The following DAG1 variants were observed in gnomAD, a reference collection of about 807,000 sequenced individuals.
The protein encoded by DAG1 is dystroglycan 1 (dystrophin-associated glycoprotein 1).
A neutral mutation model predicts 46.1 loss-of-function variants in DAG1; 8 were observed. The observed-to-expected ratio is 0.17, with a 90% confidence interval of 0.10 to 0.31. DAG1 has a LOEUF of 0.31. Among genes scored for constraint, DAG1 ranks in the 10% least tolerant of loss-of-function variants. The pLI is 1.00. For synonymous variants in DAG1, 495 were observed against 481.8 expected, an observed-to-expected ratio of 1.03 and a Z score of -0.36; for missense variants, 1,003 against 1,189.9, an observed-to-expected ratio of 0.84 and a Z score of 2.31.
At chr3:49,505,936 C>T (rs1383025568) in intron 1 of DAG1, among the ~76,000 whole-genome samples, 1 of 150,216 alleles carries the variant, frequency 6.7e-6, no homozygotes, top group African/African-American at 2.5e-5. Flanking sequence ...CCCCAAGGTG[C>T]TGGAATTACA....
At chr3:49,514,395 C>A (rs927464674) in intron 2 of DAG1, among the ~76,000 whole-genome samples, 8 of 152,178 alleles carry the variant, frequency 5.3e-5, no homozygotes. Context: ...CTATGCTCAT[C>A]AAGAGATGGT....
intron 1 of DAG1, among the ~76,000 whole-genome samples, chr3:49,472,279 GGTA>G (rs1340087377): frequency 5.3e-5 from 8 of 152,078 alleles, no homozygotes; most frequent in African/African-American, 7.2e-5. Context: ...AGACTGAAAA[GGTA>G]GTACAGAGGG....
At chr3:49,487,692 C>CTTTTTTTTTTTTTTTTTT (rs10686005) in intron 1 of DAG1, among the ~76,000 whole-genome samples, 8 of 105,718 alleles carry the variant, frequency 7.6e-5, no homozygotes, top group African/African-American at 7.2e-5. Context: ...CCCATACATT[C>CTTTTTTTTTTTTTTTTTT]TTTTTTTTTT....
chr3:49,528,824 AATG>A (rs1004770297), intron 2 of DAG1, among the ~76,000 whole-genome samples: 14 of 151,868 alleles, frequency 9.2e-5, no homozygotes, highest in Non-Finnish European at 1.9e-4. Context: ...GCAATTAGGA[AATG>A]ATAACCCTGA....
At chr3:49,472,666 G>A (rs1235673013) in intron 1 of DAG1, among the ~76,000 whole-genome samples, 1 of 152,124 alleles carries the variant, frequency 6.6e-6, no homozygotes, top group African/African-American at 2.4e-5. Flanking sequence ...AATTAGCCGG[G>A]CGTGGTGGTG....
At chr3:49,515,661 C>T (rs2050879337) in intron 2 of DAG1, among the ~76,000 whole-genome samples, 1 of 152,088 alleles carries the variant, frequency 6.6e-6, no homozygotes. Flanking sequence ...GCTAGGATTA[C>T]AGACATGAGC....
chr3:49,527,284 G>A (rs1009374133), intron 2 of DAG1, among the ~76,000 whole-genome samples: 7 of 152,068 alleles, frequency 4.6e-5, no homozygotes, highest in Non-Finnish European at 7.4e-5. Flanking sequence ...CAGCACTTTG[G>A]GAGGCCAAGG....
At chr3:49,514,805 A>ATGTGTGTGTG (rs138689783) in intron 2 of DAG1, among the ~76,000 whole-genome samples, 1 of 145,532 alleles carries the variant, frequency 6.9e-6, no homozygotes, top group Non-Finnish European at 1.5e-5. Context: ...CTCCTGGCAT[A>ATGTGTGTGTG]TGTGTGTGTG....
At position 49,531,422 on chromosome 3, in the gene DAG1, C is replaced by T. The variant is rs2051341159; in HGVS notation, c.911C>T (p.Pro304Leu). 1.2e-6 allele frequency: 2 copies of T among 1,613,918 alleles called. No individual in the cohort carries two copies. Among genetic ancestry groups the T allele is most frequent in the Non-Finnish European group, 1.7e-6 (2 of 1,179,970 alleles). The change falls in exon 3 of 3, where the codon CCC becomes CTC. Residue 304 changes from proline to leucine, a missense_variant. Pro to Leu is a moderately conservative substitution (Grantham distance 98). Around this residue, in one of 3 missense-constraint regions of DAG1, gnomAD observed 755 missense variants for 854.1 expected, o/e 0.88. Transcript: ENST00000308775. This position sits in a 1 kb window ranked among gnomAD's most constrained non-coding sequence, Gnocchi z 7.0. Reference sequence around the variant, plus strand: ...GGTTGGCACATCGCCAATAAGAAGCCCCCTCTTCCCAAACGCGTCCGGAGG... The same window carrying T: ...GGTTGGCACATCGCCAATAAGAAGCTCCCTCTTCCCAAACGCGTCCGGAGG... ...VVGWHIANKK[P>L]PLPKRVRRQI...
chr3:49,531,396 G>T lies in DAG1; in HGVS notation c.885G>T (p.Val295=). 1 of 1,614,116 alleles carries T rather than the reference G, an allele frequency of 6.2e-7. No individual in the cohort carries two copies. Among genetic ancestry groups the T allele is most frequent in the Non-Finnish European group, 8.5e-7 (1 of 1,180,014 alleles). Residue 295 remains valine (V), a synonymous_variant, in exon 3 of 3, where the codon GTG becomes GTT. Coordinates refer to ENST00000308775, the MANE Select transcript of DAG1 (RefSeq NM_004393.6). The surrounding 1 kb of genome is among the most constrained non-coding windows in gnomAD (Gnocchi z 7.0). ...AMSAQLGYPV[V]GWHIANKKPP... ...CTGCTCAGCTTGGCTACCCTGTGGT[G>T]GGTTGGCACATCGCCAATAAGAAGC...
At chr3:49,473,165 C>T (rs2049575298) in intron 1 of DAG1, among the ~76,000 whole-genome samples, 1 of 151,918 alleles carries the variant, frequency 6.6e-6, no homozygotes, top group South Asian at 2.1e-4. Flanking sequence ...CCCGTAATCC[C>T]AGCACTTTGG....
At chr3:49,506,303 G>A (rs2050606751) in intron 1 of DAG1, among the ~76,000 whole-genome samples, 1 of 152,146 alleles carries the variant, frequency 6.6e-6, no homozygotes, top group South Asian at 2.1e-4. Flanking sequence ...TCACTTTATT[G>A]CACTAGCTAG....
In DAG1 at chr3:49,511,572, G is replaced by T. The variant is rs186102407; in HGVS notation, c.285+753G>T. On this transcript the variant is annotated intron_variant, in intron 2 of 2. Transcript: ENST00000308775. ...CACTTCACCCAAGCTGGAGTGCACT[G>T]GCATGATCATGTCTCACTGTAGCCT... Among the ~76,000 whole-genome samples the T allele has an allele frequency of 1.9e-3, 292 of 152,324 alleles. 2 individuals carry two copies. The highest frequency in any genetic ancestry group is 6.4e-3 in the African/African-American group (268 of 41,564).
chr3:49,524,544 C>T (rs1466361593), intron 2 of DAG1, among the ~76,000 whole-genome samples: 1 of 152,046 alleles, frequency 6.6e-6, no homozygotes, highest in Non-Finnish European at 1.5e-5. Context: ...CCTGGTTGTA[C>T]ACACCTGGCT....
rs137954823 is a variant in DAG1, at chr3:49,507,353, A to G, written c.-116-3066A>G. Among the ~76,000 whole-genome samples the G allele has an allele frequency of 1.4e-3, 218 of 152,276 alleles. 3 individuals carry two copies. The highest frequency in any genetic ancestry group is 5.0e-3 in the African/African-American group (207 of 41,564). Reference sequence around the variant, plus strand: ...TGAGGTGGGCGGATCACCTGAGGTCAGGAGTTCAAGACCAGCCTGGTCAAC... The same window carrying G: ...TGAGGTGGGCGGATCACCTGAGGTCGGGAGTTCAAGACCAGCCTGGTCAAC... On this transcript the variant is annotated intron_variant, in intron 1 of 2. Transcript: ENST00000308775.
rs539586751 is a variant in DAG1, at chr3:49,499,020, T to G, written c.-116-11399T>G. ...CCACTGCACCTGGCCATTCCTTAAA[T>G]GTTTTAATGACTGTGGCAAATGATA... On this transcript the variant is annotated intron_variant, in intron 1 of 2. Coordinates refer to ENST00000308775, the MANE Select transcript of DAG1 (RefSeq NM_004393.6). Among the ~76,000 whole-genome samples, 11 of 152,348 alleles carry G rather than the reference T, an allele frequency of 7.2e-5. No individual in the cohort carries two copies. In the South Asian group the frequency reaches 1.7e-3, roughly 23 times the overall value.
At chr3:49,487,193 T>G (rs979340019) in intron 1 of DAG1, 1 of 152,204 alleles carries the variant, frequency 6.6e-6, no homozygotes, top group African/African-American at 2.4e-5. Context: ...CCCGGCCTGA[T>G]GTTTTAATTA....
intron 2 of DAG1, among the ~76,000 whole-genome samples, chr3:49,512,383 ATTTAT>A (rs2050784441): frequency 1.3e-5 from 2 of 151,340 alleles, no homozygotes; most frequent in East Asian, 3.9e-4. Flanking sequence ...TTAAATTTTA[ATTTAT>A]TTTAATTAAT....
chr3:49,494,977 G>A (rs1029892493), intron 1 of DAG1, among the ~76,000 whole-genome samples: 1 of 152,132 alleles, frequency 6.6e-6, no homozygotes, highest in African/African-American at 2.4e-5. Context: ...TTCCTTTCCT[G>A]TACTCTGTGG....
Sources: gnomAD v4.1 joint callset for allele counts (sites outside exome capture counted in the v4.1 genomes callset) on GRCh38, gnomAD v4.1.1 for gene constraint, gnomAD v4.1.1 regional missense constraint, Gnocchi (gnomAD v3.1) non-coding constraint, MANE v1.5 for transcripts, NCBI Gene and HGNC (gene_info 2026-07-23, HGNC 2026-07-21) for gene names.